Variants in GARRE1 observed in about 807,000 individuals in gnomAD.
GARRE1 encodes the protein granule associated Rac and RHOG effector protein 1.
A neutral mutation model predicts 103.2 loss-of-function variants in GARRE1; 49 were observed. That is an observed-to-expected ratio of 0.47 (90% CI 0.38 to 0.60). The LOEUF is 0.60. Among genes scored for constraint, GARRE1 ranks in the 20% least tolerant of loss-of-function variants. The probability of loss-of-function intolerance (pLI) is 0.00; values close to 1 mark genes in which losing one functional copy is unlikely to be tolerated. For synonymous variants in GARRE1, 505 were observed against 532.8 expected, an observed-to-expected ratio of 0.95 and a Z score of 0.72; for missense variants, 1,199 against 1,370.5, an observed-to-expected ratio of 0.87 and a Z score of 1.98.
At chr19:34,276,078 C>G (rs145732922) in intron 1 of GARRE1, among the ~76,000 whole-genome samples, 60 of 152,174 alleles carry the variant, frequency 3.9e-4, no homozygotes, top group African/African-American at 1.0e-3. Context: ...GAGTCTTGCT[C>G]TGTCTTCCAG....
chr19:34,263,084 G>A (rs1432494482), intron 1 of GARRE1, among the ~76,000 whole-genome samples: 1 of 152,018 alleles, frequency 6.6e-6, no homozygotes, highest in East Asian at 1.9e-4. Flanking sequence ...ATGGTGGCGG[G>A]TGCCTGTAAT....
At position 34,336,311 on chromosome 19, in the gene GARRE1, A is replaced by G. The variant is rs1189468641; in HGVS notation, c.1361+2510A>G. Among the ~76,000 whole-genome samples the G allele has an allele frequency of 4.6e-5, 7 of 152,062 alleles. 1 individual carries two copies. Among genetic ancestry groups the G allele is most frequent in the Admixed American group, 4.6e-4 (7 of 15,258 alleles). Reference sequence around the variant, plus strand: ...TGGCCCAAAATTTTAAGTTAATTGTAGGGTGGCATACTGTGTCCTGAAATT... The same window carrying G: ...TGGCCCAAAATTTTAAGTTAATTGTGGGGTGGCATACTGTGTCCTGAAATT... On this transcript the variant is annotated intron_variant, in intron 8 of 13. Transcript: ENST00000299505.
chr19:34,274,128 G>A (rs117118964), intron 1 of GARRE1, among the ~76,000 whole-genome samples: 3,767 of 152,108 alleles, frequency 0.025, 85 homozygotes, highest in Admixed American at 0.052. Context: ...GGAAGGGGCC[G>A]GGCATGGTGG....
chr19:34,256,231 G>T (rs1253815019), intron 1 of GARRE1, among the ~76,000 whole-genome samples: 1 of 151,812 alleles, frequency 6.6e-6, no homozygotes, highest in African/African-American at 2.4e-5. Flanking sequence ...AAAAATTCCA[G>T]CCTGGCGCGA....
chr19:34,258,529 A>C (rs1157050504), intron 1 of GARRE1, among the ~76,000 whole-genome samples: 1 of 152,138 alleles, frequency 6.6e-6, no homozygotes, highest in Non-Finnish European at 1.5e-5. Context: ...TCACGCCTGT[A>C]ATCCCAGCAC....
At chr19:34,350,595 T>G (rs2074231487) in intron 12 of GARRE1, among the ~76,000 whole-genome samples, 1 of 152,174 alleles carries the variant, frequency 6.6e-6, no homozygotes, top group African/African-American at 2.4e-5. Flanking sequence ...TTTTTTTGTT[T>G]TTTTGAGACG....
chr19:34,327,900 A>C (rs748566294), intron 5 of GARRE1, 34 bp downstream of exon 5: 1 of 1,613,024 alleles, frequency 6.2e-7, no homozygotes, highest in Admixed American at 1.7e-5. Flanking sequence ...CTGGGGACCT[A>C]TGGCGCTGCT....
chr19:34,310,976 T>A (rs1306779792), intron 2 of GARRE1, among the ~76,000 whole-genome samples: 1 of 152,044 alleles, frequency 6.6e-6, no homozygotes, highest in Admixed American at 6.6e-5. Flanking sequence ...CTTTCTTCTT[T>A]CTTTCTTTAC....
chr19:34,283,570 C>G (rs1475600373), intron 1 of GARRE1, among the ~76,000 whole-genome samples: 1 of 152,206 alleles, frequency 6.6e-6, no homozygotes, highest in Admixed American at 6.5e-5. Context: ...TACTATTATC[C>G]TTATTTTATA....
chr19:34,348,733 CATCCATTAG>C (rs1419099017), intron 11 of GARRE1: 7 of 392,436 alleles, frequency 1.8e-5, no homozygotes, highest in Non-Finnish European at 2.8e-5. Context: ...TTAAGCCCAG[CATCCATTAG>C]CTATTCTTCC....
At chr19:34,266,440 C>A (rs1307591136) in intron 1 of GARRE1, among the ~76,000 whole-genome samples, 2 of 152,194 alleles carry the variant, frequency 1.3e-5, no homozygotes, top group African/African-American at 4.8e-5. Context: ...CGGCTCACTG[C>A]AACCTCTATC....
intron 1 of GARRE1, among the ~76,000 whole-genome samples, chr19:34,265,939 C>G (rs1335914579): frequency 2.0e-5 from 3 of 152,226 alleles, no homozygotes; most frequent in Non-Finnish European, 4.4e-5. Flanking sequence ...CAGTCTGATT[C>G]CCATACCCGT....
intron 1 of GARRE1, among the ~76,000 whole-genome samples, chr19:34,271,839 A>C (rs533323839): frequency 1.3e-5 from 2 of 152,052 alleles, no homozygotes; most frequent in African/African-American, 2.4e-5. Flanking sequence ...AAAAACAAAA[A>C]CAAAAACAAA....
At chr19:34,307,896 C>T (rs1052134850) in intron 2 of GARRE1, among the ~76,000 whole-genome samples, 2 of 149,678 alleles carry the variant, frequency 1.3e-5, no homozygotes, top group East Asian at 3.9e-4. Context: ...GTCCTCCAGC[C>T]TCAGCTTCCC....
chr19:34,334,315 T>TA (rs1257393955), intron 8 of GARRE1, among the ~76,000 whole-genome samples: 12 of 152,042 alleles, frequency 7.9e-5, no homozygotes, highest in Admixed American at 2.6e-4. Flanking sequence ...TATTTTTTTT[T>TA]AAAAAAAGCT....
chr19:34,270,678 T>C (rs935605107), intron 1 of GARRE1, among the ~76,000 whole-genome samples: 4 of 152,250 alleles, frequency 2.6e-5, no homozygotes, highest in Non-Finnish European at 4.4e-5. Context: ...TTTATCAGTC[T>C]CTTTTTTGAT....
intron 12 of GARRE1, among the ~76,000 whole-genome samples, chr19:34,350,444 T>C (rs2074230955): frequency 6.6e-6 from 1 of 152,228 alleles, no homozygotes; most frequent in South Asian, 2.1e-4. Context: ...CAGAGACTGT[T>C]GTCTGCATGC....
At position 34,353,519 on chromosome 19, in the gene GARRE1, ACTAT is replaced by A. The variant is rs1411453860; in HGVS notation, c.*569_*572del. 4 of 153,256 alleles carry A rather than the reference ACTAT, an allele frequency of 2.6e-5. No homozygotes were observed. The highest frequency in any genetic ancestry group is 3.8e-4 in the East Asian group (2 of 5,200). 9.5% of individuals were successfully genotyped at this position (153,256 alleles called of 1,614,324 possible). A position where few individuals can be genotyped will look rare whatever the true frequency, so the allele number is the denominator to read the frequency against. The stretch of plus-strand genomic sequence containing the variant: ...TATACTGGCTGGAGGTTTGTTTAAC[ACTAT>A]CTATATTTAAGCTTATACAAAATGG... On this transcript the variant is annotated 3_prime_UTR_variant, in exon 14 of 14. Transcript: ENST00000299505.
rs938795628 is a variant in GARRE1, at chr19:34,355,216, T to C, written c.*2261T>C. 1 of 152,644 alleles carries C rather than the reference T, an allele frequency of 6.6e-6. No homozygotes were observed. The highest frequency in any genetic ancestry group is 2.4e-5 in the African/African-American group (1 of 41,456). The allele number at this position is 152,644 out of a possible 1,614,324, so 9.5% of individuals were successfully genotyped here. A position where few individuals can be genotyped will look rare whatever the true frequency, so the allele number is the denominator to read the frequency against. ...TAATTGTCACTTTCCAGTTTGTTTT[T>C]CTCTATTAAGGAAGACATTTTCTAA... On this transcript the variant is annotated 3_prime_UTR_variant, in exon 14 of 14. Transcript: ENST00000299505.
Sources: gnomAD v4.1 joint callset for allele counts (sites outside exome capture counted in the v4.1 genomes callset) on GRCh38, gnomAD v4.1.1 for gene constraint, MANE v1.5 for transcripts, NCBI Gene and HGNC (gene_info 2026-07-23, HGNC 2026-07-21) for gene names.